Variants in BICC1 observed in about 807,000 individuals in gnomAD.
BICC1 encodes BicC family RNA binding protein 1, also known as protein bicaudal C homolog 1.
In BICC1, 43 loss-of-function variants were observed where a neutral mutation model predicts 111.0. The observed-to-expected ratio is 0.39, with a 90% CI of 0.30 to 0.50. The LOEUF (loss-of-function observed/expected upper bound fraction) is 0.50, where lower values mean the gene tolerates loss of function less well. Ranked by LOEUF, BICC1 falls within the 20% of genes least tolerant of loss-of-function variation. The pLI is 0.88. For synonymous variants in BICC1, 467 were observed against 434.4 expected, an observed-to-expected ratio of 1.07 and a Z score of -0.93; for missense variants, 1,091 against 1,203.2, an observed-to-expected ratio of 0.91 and a Z score of 1.38.
intron 1 of BICC1, among the ~76,000 whole-genome samples, chr10:58,526,357 A>G (rs981775503): frequency 3.3e-5 from 5 of 151,838 alleles, no homozygotes; most frequent in African/African-American, 1.2e-4. Flanking sequence ...TAGGATGACA[A>G]ACCACCCTCC....
At chr10:58,647,973 C>T (rs1588969683) in intron 2 of BICC1, among the ~76,000 whole-genome samples, 1 of 152,154 alleles carries the variant, frequency 6.6e-6, no homozygotes, top group East Asian at 1.9e-4. Flanking sequence ...ATTAGTAATG[C>T]ATTTTCCAGA....
At chr10:58,567,534 A>G (rs991433002) in intron 1 of BICC1, among the ~76,000 whole-genome samples, 9 of 151,614 alleles carry the variant, frequency 5.9e-5, no homozygotes, top group African/African-American at 9.7e-5. Context: ...TAGGGTATAT[A>G]TATATATCTC....
chr10:58,720,133 C>G (rs1564573555), intron 3 of BICC1, among the ~76,000 whole-genome samples: 1 of 152,228 alleles, frequency 6.6e-6, no homozygotes. Flanking sequence ...CTCCTGACAG[C>G]TCCCAGTCCA....
intron 1 of BICC1, among the ~76,000 whole-genome samples, chr10:58,586,832 C>T (rs143243411): frequency 2.6e-5 from 4 of 152,174 alleles, no homozygotes; most frequent in East Asian, 1.9e-4. Flanking sequence ...TCTGCAAGTG[C>T]GTGTAAATCA....
chr10:58,789,446 G>C lies in BICC1; in HGVS notation c.785G>C (p.Ser262Thr). The C allele has an allele frequency of 6.2e-7, 1 of 1,611,576 alleles. No homozygotes were observed. Among genetic ancestry groups the C allele is most frequent in the Non-Finnish European group, 8.5e-7 (1 of 1,178,668 alleles). Reference protein sequence around the residue: ...VIVRGSQNNTSAVKEGTAMLL... With the variant: ...VIVRGSQNNTTAVKEGTAMLL... ...GTACGAGGGTCTCAGAATAACACTA[G>C]TGCTGTGAAGGTAAATTATTCAGAT... is the stretch of plus-strand genomic sequence containing the variant. Residue 262 changes from serine (S) to threonine (T), a missense_variant, in exon 7 of 21, where the codon AGT becomes ACT. Physicochemically the swap from Ser to Thr is moderately conservative, Grantham distance 58 (BLOSUM62 1). Coordinates refer to ENST00000373886, the MANE Select transcript of BICC1 (RefSeq NM_001080512.3).
At chr10:58,702,001 T>C in intron 2 of BICC1, 73 bp from the exon 3 acceptor site, 1 of 1,159,914 alleles carries the variant, frequency 8.6e-7, no homozygotes, top group Non-Finnish European at 1.3e-6. Context: ...ATAAACTTTT[T>C]TGTGTGTGAA....
At chr10:58,647,341 A>G (rs1282623891) in intron 2 of BICC1, among the ~76,000 whole-genome samples, 1 of 152,224 alleles carries the variant, frequency 6.6e-6, no homozygotes, top group Non-Finnish European at 1.5e-5. Context: ...TTCATAAAAC[A>G]TTGAAAGTGT....
intron 3 of BICC1, among the ~76,000 whole-genome samples, chr10:58,765,185 A>T (rs1842423598): frequency 1.3e-5 from 2 of 151,914 alleles, no homozygotes; most frequent in Non-Finnish European, 2.9e-5. Context: ...CCGTTCAAGC[A>T]ATTTTTGTGC....
intron 1 of BICC1, among the ~76,000 whole-genome samples, chr10:58,545,401 T>C (rs1843111263): frequency 6.6e-6 from 1 of 152,138 alleles, no homozygotes; most frequent in South Asian, 2.1e-4. Flanking sequence ...GATGAAGCAG[T>C]TAGATTTGGA....
rs563495212 is a variant in BICC1 at position 58,759,605 on chromosome 10, A to G, written c.308-25396A>G. On this transcript the variant is annotated intron_variant, in intron 3 of 20. Coordinates refer to ENST00000373886, the MANE Select transcript of BICC1 (RefSeq NM_001080512.3). The stretch of plus-strand genomic sequence containing the variant: ...AATATTTCCTGTTTACTCTTTTTCT[A>G]TGGTGTAAAAGAAACTGAACATTGA... 2.3e-4 allele frequency among the ~76,000 whole-genome samples: 35 copies of G among 152,274 alleles called. 1 individual carries two copies. In the South Asian group the frequency reaches 4.8e-3, roughly 21 times the overall value.
chr10:58,706,904 A>AT (rs1840402304), intron 3 of BICC1, among the ~76,000 whole-genome samples: 1 of 151,638 alleles, frequency 6.6e-6, no homozygotes, highest in African/African-American at 2.4e-5. Context: ...GAGTAAAAAA[A>AT]TGTTTAAAGT....
chr10:58,643,581 G>A (rs1838184689), intron 2 of BICC1, among the ~76,000 whole-genome samples: 1 of 152,220 alleles, frequency 6.6e-6, no homozygotes, highest in Admixed American at 6.5e-5. Flanking sequence ...CCAAAAAGGG[G>A]TTTGAAGTGG....
chr10:58,541,314 A>G (rs1842974593), intron 1 of BICC1, among the ~76,000 whole-genome samples: 1 of 152,138 alleles, frequency 6.6e-6, no homozygotes, highest in Admixed American at 6.5e-5. Context: ...GATTCCACAC[A>G]CACACATAAA....
At chr10:58,564,988 A>G (rs1843712948) in intron 1 of BICC1, among the ~76,000 whole-genome samples, 1 of 152,128 alleles carries the variant, frequency 6.6e-6, no homozygotes, top group Non-Finnish European at 1.5e-5. Flanking sequence ...TGATTTACCT[A>G]TTTACATTTT....
chr10:58,528,701 G>A (rs1478247705), intron 1 of BICC1, among the ~76,000 whole-genome samples: 1 of 151,916 alleles, frequency 6.6e-6, no homozygotes, highest in African/African-American at 2.4e-5. Flanking sequence ...ACCCAGTCTT[G>A]CCACTGACTT....
At chr10:58,821,870 G>T (rs1015054028) in intron 20 of BICC1, among the ~76,000 whole-genome samples, 27 of 152,088 alleles carry the variant, frequency 1.8e-4, no homozygotes, top group African/African-American at 5.8e-4. Flanking sequence ...CATGAAGGTA[G>T]ATTGGAATTT....
intron 3 of BICC1, among the ~76,000 whole-genome samples, chr10:58,741,528 C>T (rs935614997): frequency 3.3e-5 from 5 of 151,988 alleles, no homozygotes; most frequent in African/African-American, 4.8e-5. Context: ...ATATGTTTGG[C>T]GAATTCCCAA....
At chr10:58,772,394 G>T (rs1179545366) in intron 3 of BICC1, among the ~76,000 whole-genome samples, 1 of 151,998 alleles carries the variant, frequency 6.6e-6, no homozygotes. Context: ...GTAACTGAAA[G>T]GAAGTAATGA....
Position 58,799,093 on chromosome 10 carries a change from T to C in BICC1, c.1566T>C (p.Thr522=), listed in dbSNP as rs1843452759. ...TACCACACCTTATGATTCCATCTACTGCCCAAGCCACATTAACTAATATTT... is the reference window on the plus strand; with the variant it reads ...TACCACACCTTATGATTCCATCTACCGCCCAAGCCACATTAACTAATATTT... ...SAIPHLMIPS[T]AQATLTNILL... The change falls in exon 12 of 21, where the codon ACT becomes ACC. Residue 522 remains threonine, a synonymous_variant. Coordinates refer to ENST00000373886, the MANE Select transcript of BICC1 (RefSeq NM_001080512.3). 3 of 1,612,220 alleles carry C rather than the reference T, an allele frequency of 1.9e-6. No homozygotes were observed. The highest frequency in any genetic ancestry group is 8.5e-7 in the Non-Finnish European group (1 of 1,178,934).
Sources: gnomAD v4.1 joint callset for allele counts (sites outside exome capture counted in the v4.1 genomes callset) on GRCh38, gnomAD v4.1.1 for gene constraint, MANE v1.5 for transcripts, NCBI Gene and HGNC (gene_info 2026-07-23, HGNC 2026-07-21) for gene names.